Variants in PRKN observed in about 807,000 individuals in gnomAD.
The protein encoded by PRKN is parkin RBR E3 ubiquitin protein ligase.
A neutral mutation model predicts 59.5 loss-of-function variants in PRKN; 56 were observed. The ratio of observed to expected loss-of-function variants is 0.94; its 90% CI spans 0.76 to 1.18. The LOEUF (loss-of-function observed/expected upper bound fraction) is 1.18, where lower values mean the gene tolerates loss of function less well. Ranked by LOEUF, PRKN falls within the 50% of genes most tolerant of loss-of-function variation. The pLI is 0.00. For missense variants in PRKN, 657 were observed against 596.4 expected (o/e 1.10, Z -1.06); for synonymous variants, 250 against 222.1 (o/e 1.13, Z -1.12).
In PRKN at chr6:161,466,917, T is replaced by C. The variant is rs1372862608; in HGVS notation, c.1084-80040A>G. Among the ~76,000 whole-genome samples the C allele has an allele frequency of 2.0e-5, 3 of 152,252 alleles. No homozygotes were observed. Among genetic ancestry groups the C allele is most frequent in the African/African-American group, 7.2e-5 (3 of 41,474 alleles). On this transcript the variant is annotated intron_variant, in intron 9 of 11. Transcript: ENST00000366898. This position sits in a 1 kb window ranked among gnomAD's most constrained non-coding sequence, Gnocchi z 5.0. ...AATGAGGGATTTTTATTCTTTTGTT[T>C]CTGGTGGCAGAAATAAAATATTCTT...
At chr6:161,706,130 C>T (rs920737333) in intron 7 of PRKN, among the ~76,000 whole-genome samples, 4 of 151,992 alleles carry the variant, frequency 2.6e-5, no homozygotes, top group African/African-American at 9.7e-5. Context: ...TTCTACCTAA[C>T]AAATCTCTAC....
chr6:161,409,716 C>T lies in PRKN; in HGVS notation c.1084-22839G>A, dbSNP rs1787435656. On this transcript the variant is annotated intron_variant, in intron 9 of 11. Transcript: ENST00000366898. The surrounding 1 kb of genome is among the most constrained non-coding windows in gnomAD (Gnocchi z 4.6). ...CAATTTGAGGTCACGTGCTGCAAAC[C>T]CAGTGTTCTTTCAGAGTCAGGTCGC... 1.3e-5 allele frequency among the ~76,000 whole-genome samples: 2 copies of T among 152,198 alleles called. No homozygotes were observed. The highest frequency in any genetic ancestry group is 1.5e-5 in the Non-Finnish European group (1 of 68,022).
chr6:162,328,197 A>G (rs1486514437), intron 2 of PRKN, among the ~76,000 whole-genome samples: 1 of 64,150 alleles, frequency 1.6e-5, no homozygotes, highest in African/African-American at 4.9e-5. Flanking sequence ...CGTCTCTACT[A>G]AAAATACAAA....
intron 1 of PRKN, among the ~76,000 whole-genome samples, chr6:162,596,426 T>TC (rs1349161749): frequency 6.6e-6 from 1 of 152,214 alleles, no homozygotes; most frequent in Non-Finnish European, 1.5e-5. Flanking sequence ...GTTTCTTACT[T>TC]CATATTTACT....
rs1402395092 is a variant in PRKN, at chr6:161,349,204, C to T, written c.*895G>A. 4.5e-6 allele frequency: 1 copy of T among 220,742 alleles called. No homozygotes were observed. Among genetic ancestry groups the T allele is most frequent in the Non-Finnish European group, 9.1e-6 (1 of 110,480 alleles). 13.7% of individuals were successfully genotyped at this position (220,742 alleles called of 1,614,324 possible). On this transcript the variant is annotated 3_prime_UTR_variant, in exon 12 of 12. Coordinates refer to ENST00000366898, the MANE Select transcript of PRKN (RefSeq NM_004562.3). The surrounding 1 kb of genome is among the most constrained non-coding windows in gnomAD (Gnocchi z 5.5). ...TTTCTAAACGTGTTTCCTTTATAGG[C>T]ACTTTATCTATTAAATTTACAGTGG...
At chr6:161,614,271 T>C (rs1782608000) in intron 7 of PRKN, among the ~76,000 whole-genome samples, 1 of 152,204 alleles carries the variant, frequency 6.6e-6, no homozygotes, top group Non-Finnish European at 1.5e-5. Context: ...GAGGACAGAA[T>C]CTTGGAGGAC....
intron 3 of PRKN, among the ~76,000 whole-genome samples, chr6:162,235,982 AAAGAAAGAAAG>A: frequency 9.3e-6 from 1 of 107,786 alleles, no homozygotes; most frequent in African/African-American, 3.9e-5. Flanking sequence ...AGAAAGAAAG[AAAGAAAGAAAG>A]AAAGAAAGAA....
chr6:162,320,362 C>CAAAAAAAAAAAAAAAAAAAAAAAAGAAAA (rs55793911), intron 2 of PRKN, among the ~76,000 whole-genome samples: 1 of 7,286 alleles, frequency 1.4e-4, no homozygotes, highest in Non-Finnish European at 2.5e-4. Context: ...TACAAAAAGC[C>CAAAAAAAAAAAAAAAAAAAAAAAAGAAAA]AAAAAAAAAA....
At chr6:162,364,451 G>A (rs562349988) in intron 2 of PRKN, among the ~76,000 whole-genome samples, 3 of 152,086 alleles carry the variant, frequency 2.0e-5, no homozygotes, top group Admixed American at 6.6e-5. Flanking sequence ...ACTACCCTGG[G>A]AGTAAAATGT....
At chr6:161,568,510 G>A (rs746538191) in intron 8 of PRKN, among the ~76,000 whole-genome samples, 36 of 152,166 alleles carry the variant, frequency 2.4e-4, no homozygotes, top group Non-Finnish European at 5.0e-4. Context: ...GGAGAATGGC[G>A]TGAACCTGGG....
At chr6:161,596,096 AG>A (rs1351029536) in intron 7 of PRKN, among the ~76,000 whole-genome samples, 1 of 152,172 alleles carries the variant, frequency 6.6e-6, no homozygotes, top group East Asian at 1.9e-4. Flanking sequence ...GACAGCGTGG[AG>A]CTGCCAGCTG....
chr6:161,925,425 G>A (rs1425000872), intron 6 of PRKN, among the ~76,000 whole-genome samples: 1 of 152,086 alleles, frequency 6.6e-6, no homozygotes, highest in African/African-American at 2.4e-5. Context: ...CAAAAGATTA[G>A]CCGGGTGTGG....
At chr6:162,465,941 T>C (rs983413433) in intron 1 of PRKN, among the ~76,000 whole-genome samples, 1 of 152,182 alleles carries the variant, frequency 6.6e-6, no homozygotes, top group Non-Finnish European at 1.5e-5. Flanking sequence ...TATATCTTAA[T>C]GTATTTTTGT....
chr6:161,364,893 T>C (rs1176602812), intron 10 of PRKN, among the ~76,000 whole-genome samples: 1 of 149,384 alleles, frequency 6.7e-6, no homozygotes, highest in Non-Finnish European at 1.5e-5. Context: ...ATGGTGCCAG[T>C]ACACTCCAGC....
At chr6:161,962,200 A>C (rs1780406392) in intron 6 of PRKN, among the ~76,000 whole-genome samples, 1 of 152,226 alleles carries the variant, frequency 6.6e-6, no homozygotes, top group African/African-American at 2.4e-5. Flanking sequence ...GAGCTACATA[A>C]AGGATGTTTA....
chr6:161,823,040 T>C (rs1425547001), intron 6 of PRKN, among the ~76,000 whole-genome samples: 1 of 152,044 alleles, frequency 6.6e-6, no homozygotes, highest in Non-Finnish European at 1.5e-5. Context: ...GCTCAAGTGA[T>C]GCTCCCACCT....
At chr6:162,620,926 T>A (rs892105678) in intron 1 of PRKN, among the ~76,000 whole-genome samples, 14 of 152,210 alleles carry the variant, frequency 9.2e-5, no homozygotes, top group African/African-American at 2.9e-4. Flanking sequence ...TATATTTAAA[T>A]TAATTTTCTC....
intron 2 of PRKN, among the ~76,000 whole-genome samples, chr6:162,386,321 T>C (rs1786808639): frequency 1.3e-5 from 2 of 152,200 alleles, no homozygotes; most frequent in Admixed American, 6.5e-5. Context: ...AATAAAAACA[T>C]ATAATTTTAT....
chr6:162,706,132 T>TA (rs766578797), intron 1 of PRKN, among the ~76,000 whole-genome samples: 2,052 of 106,526 alleles, frequency 0.019, 41 homozygotes, highest in African/African-American at 0.058. Flanking sequence ...ACCTGAAGGT[T>TA]AAAAAAAAAA....
Sources: allele counts gnomAD v4.1 joint callset (sites outside exome capture counted in the v4.1 genomes callset), GRCh38; gene constraint gnomAD v4.1.1; non-coding constraint Gnocchi (gnomAD v3.1); transcripts MANE v1.5; gene names NCBI Gene and HGNC (gene_info 2026-07-23, HGNC 2026-07-21).